Variants in FLT4 observed in about 807,000 individuals in gnomAD.
The protein encoded by FLT4 is fms related receptor tyrosine kinase 4.
A neutral mutation model predicts 163.2 loss-of-function variants in FLT4; 30 were observed. That is an observed-to-expected ratio of 0.18 (90% CI 0.14 to 0.25). The LOEUF is 0.25. FLT4 is among the 10% of genes least tolerant of loss of function. The probability of loss-of-function intolerance (pLI) is 1.00; values close to 1 mark genes in which losing one functional copy is unlikely to be tolerated. For missense variants in FLT4, 1,510 were observed against 1,863.8 expected (o/e 0.81, Z 3.50); for synonymous variants, 884 against 789.5 (o/e 1.12, Z -2.01).
intron 12 of FLT4, 116 bp downstream of exon 12, chr5:180,622,615 G>C (rs758642505): frequency 1.4e-6 from 1 of 717,630 alleles, no homozygotes; most frequent in Non-Finnish European, 2.5e-6. Flanking sequence ...GTCTACAACC[G>C]GTAGGCCTTG....
chr5:180,641,326 G>T (rs1321760247), intron 1 of FLT4, among the ~76,000 whole-genome samples: 1 of 152,248 alleles, frequency 6.6e-6, no homozygotes, highest in African/African-American at 2.4e-5. Context: ...ATGGCACTGG[G>T]ATTATCCATC....
chr5:180,618,914 A>T lies in FLT4; in HGVS notation c.2857T>A (p.Ser953Thr). ...CGGAAGCGTCCGCGCTGCTCGGGAG[A>T]CTTCTCCTGCGGATGCACGAAGCTG... ...RDAFSPCAEK[S>T]PEQRGRFRAM... The change falls in exon 21 of 30, where the codon TCT becomes ACT. Residue 953 changes from serine (S) to threonine (T), a missense_variant. This residue lies in a region of FLT4 where 878 missense variants were observed against 1,016.7 expected (regional missense o/e 0.86). Coordinates refer to ENST00000261937, the MANE Select transcript of FLT4 (RefSeq NM_182925.5). 1 of 1,585,462 alleles carries T rather than the reference A, an allele frequency of 6.3e-7. No homozygotes were observed. The highest frequency in any genetic ancestry group is 8.6e-7 in the Non-Finnish European group (1 of 1,166,832).
At position 180,644,983 on chromosome 5, in the gene FLT4, G is replaced by A. The variant is rs113074397; in HGVS notation, c.58+4505C>T. ...TTCCCAGCAGTCTCCCAAAGGGCAC[G>A]TCCAGGGTGGGCGAAAGGCCATGGT... On this transcript the variant is annotated intron_variant, in intron 1 of 29. Transcript: ENST00000261937. 1.1e-3 allele frequency among the ~76,000 whole-genome samples: 161 copies of A among 152,338 alleles called. 1 individual carries two copies. Among genetic ancestry groups the A allele is most frequent in the African/African-American group, 3.7e-3 (152 of 41,582 alleles).
intron 10 of FLT4, among the ~76,000 whole-genome samples, chr5:180,624,495 T>C (rs1763447483): frequency 6.6e-6 from 1 of 152,172 alleles, no homozygotes; most frequent in Non-Finnish European, 1.5e-5. Flanking sequence ...CCCAAAGCGC[T>C]GGGATTACAG....
In FLT4 at chr5:180,620,260, G is replaced by C; in HGVS notation, c.2455C>G (p.Pro819Ala). The part of the protein sequence containing the change: ...KTGYLSIIMD[P>A]GEVPLEEQCE... ...TGCTCCTCCAGAGGCACCTCCCCGG[G>C]GTCCATGATGATGGACAGGTAGCCC... The change falls in exon 17 of 30, where the codon CCC becomes GCC. Residue 819 changes from proline (P) to alanine (A), a missense_variant. By Grantham distance (27) the Pro-to-Ala change is conservative. Transcript: ENST00000261937. This position sits in a 1 kb window ranked among gnomAD's most constrained non-coding sequence, Gnocchi z 4.4. 1 of 1,612,084 alleles carries C rather than the reference G, an allele frequency of 6.2e-7. No individual in the cohort carries two copies. The highest frequency in any genetic ancestry group is 8.5e-7 in the Non-Finnish European group (1 of 1,179,944).
In FLT4 at chr5:180,636,500, C is replaced by A. The variant is rs1049047361; in HGVS notation, c.59-4722G>T. On this transcript the variant is annotated intron_variant, in intron 1 of 29. Transcript: ENST00000261937. The surrounding 1 kb of genome is among the most constrained non-coding windows in gnomAD (Gnocchi z 4.3). ...CCATTAAAGCTGTCATCAGCTGCAC[C>A]CCCCCGTCACTTCCCCTCATTCTCT... is the stretch of plus-strand genomic sequence containing the variant. Among the ~76,000 whole-genome samples, 3 of 148,876 alleles carry A rather than the reference C, an allele frequency of 2.0e-5. No homozygotes were observed. The highest frequency in any genetic ancestry group is 4.9e-5 in the African/African-American group (2 of 40,718).
chr5:180,619,201 C>T, intron 19 of FLT4, 52 bp downstream of exon 19: 1 of 1,387,028 alleles, frequency 7.2e-7, no homozygotes, highest in Non-Finnish European at 9.4e-7. Context: ...CTCCCGCCCG[C>T]GGCGCCCCGC....
Position 180,603,057 on chromosome 5 carries a change from A to C in FLT4, c.*135T>G. The C allele has an allele frequency of 4.8e-6, 4 of 835,114 alleles. No individual in the cohort carries two copies. Among genetic ancestry groups the C allele is most frequent in the Non-Finnish European group, 7.9e-6 (4 of 506,380 alleles). The allele number at this position is 835,114 out of a possible 1,614,324, so 51.7% of individuals were successfully genotyped here. A position where few individuals can be genotyped will look rare whatever the true frequency, so the allele number is the denominator to read the frequency against. On this transcript the variant is annotated 3_prime_UTR_variant, in exon 30 of 30. Coordinates refer to ENST00000261937, the MANE Select transcript of FLT4 (RefSeq NM_182925.5). ...GGAGTCCTGCTCTTCCTAGCTGGGA[A>C]GTCTGCAGAGAGGGAAGAGGACACT...
rs756412901 is a variant in FLT4 at position 180,649,553 on chromosome 5, C to A, written c.-8G>T. ...CGCGGCGCCCCGCTGCATCTCCGGC[C>A]GCTGCGCGTGGGTCCGACCCGAGCG... On this transcript the variant is annotated 5_prime_UTR_variant, in exon 1 of 30. Coordinates refer to ENST00000261937, the MANE Select transcript of FLT4 (RefSeq NM_182925.5). 7.0e-7 allele frequency: 1 copy of A among 1,430,866 alleles called. No homozygotes were observed. The allele number at this position is 1,430,866 out of a possible 1,614,324, so 88.6% of individuals were successfully genotyped here.
chr5:180,641,628 AG>A (rs1318601436), intron 1 of FLT4, among the ~76,000 whole-genome samples: 1 of 152,176 alleles, frequency 6.6e-6, no homozygotes, highest in African/African-American at 2.4e-5. Flanking sequence ...AGGCCTCTGC[AG>A]GGACCTGGGG....
rs584947 is a variant in FLT4, at chr5:180,606,904, A to C, written c.3893+2064T>G. ...AACCCCGTCTCTACTAAAAAAAAAAAAAAAAAAAAAACAAACAAACAAACT... is the reference window on the plus strand; with the variant it reads ...AACCCCGTCTCTACTAAAAAAAAAACAAAAAAAAAAACAAACAAACAAACT... On this transcript the variant is annotated intron_variant, in intron 29 of 29. Coordinates refer to ENST00000261937, the MANE Select transcript of FLT4 (RefSeq NM_182925.5). Among the ~76,000 whole-genome samples, 26 of 122,694 alleles carry C rather than the reference A, an allele frequency of 2.1e-4. 1 individual carries two copies. Among genetic ancestry groups the C allele is most frequent in the African/African-American group, 4.8e-4 (16 of 33,648 alleles). 80.5% of individuals were successfully genotyped at this position (122,694 alleles called of 152,430 possible).
chr5:180,623,872 A>G lies in FLT4; in HGVS notation c.1548+63T>C, dbSNP rs993306831. The G allele has an allele frequency of 2.4e-5, 38 of 1,598,048 alleles. 1 individual carries two copies. The Middle Eastern group carries it at 1.3e-3, about 56-fold the overall frequency. The stretch of plus-strand genomic sequence containing the variant: ...AGCCAGGTGGAAACCACATGGCAGT[A>G]ATGGCCTCTCTCTCCTCCCTTCTCC... On this transcript the variant is annotated intron_variant, in intron 11 of 29. Coordinates refer to ENST00000261937, the MANE Select transcript of FLT4 (RefSeq NM_182925.5). The surrounding 1 kb of genome is among the most constrained non-coding windows in gnomAD (Gnocchi z 5.8).
Position 180,622,772 on chromosome 5 carries a change from T to G in FLT4, c.1616A>C (p.Lys539Thr), listed in dbSNP as rs766826655. Reference sequence around the variant, plus strand: ...GATGAGCCGCTCATCCTGGCCCACCTTGTTGGAGACCACACACTTGTACAT... The same window carrying G: ...GATGAGCCGCTCATCCTGGCCCACCGTGTTGGAGACCACACACTTGTACAT... ...SAMYKCVVSN[K>T]VGQDERLIYF... Residue 539 changes from lysine to threonine, a missense_variant, in exon 12 of 30, where the codon AAG (lysine) becomes ACG (threonine). This residue lies in a region of FLT4 where 878 missense variants were observed against 1,016.7 expected (regional missense o/e 0.86). Coordinates refer to ENST00000261937, the MANE Select transcript of FLT4 (RefSeq NM_182925.5). 1.2e-6 allele frequency: 2 copies of G among 1,613,556 alleles called. No individual in the cohort carries two copies. Among genetic ancestry groups the G allele is most frequent in the Admixed American group, 1.7e-5 (1 of 60,020 alleles).
intron 1 of FLT4, among the ~76,000 whole-genome samples, chr5:180,638,164 C>T (rs1289339784): frequency 6.6e-6 from 1 of 152,224 alleles, no homozygotes; most frequent in Non-Finnish European, 1.5e-5. Context: ...AGACACCTCC[C>T]AGGTCTCTAG....
chr5:180,645,290 C>G (rs531053407), intron 1 of FLT4, among the ~76,000 whole-genome samples: 2 of 152,306 alleles, frequency 1.3e-5, no homozygotes, highest in African/African-American at 4.8e-5. Flanking sequence ...GGGTGGAGAC[C>G]AGGAGGAGGG....
Position 180,603,126 on chromosome 5 carries a change from C to T in FLT4, c.*66G>A. ...AACCAGATGAGTTCCCAGCCTGGGC[C>T]TCCAGCCCTCTGCCCGCCCTGCCGG... is the stretch of plus-strand genomic sequence containing the variant. On this transcript the variant is annotated 3_prime_UTR_variant, in exon 30 of 30. Transcript: ENST00000261937. 1 of 1,518,252 alleles carries T rather than the reference C, an allele frequency of 6.6e-7. No individual in the cohort carries two copies. The highest frequency in any genetic ancestry group is 1.7e-5 in the Admixed American group (1 of 57,828). 94.0% of individuals were successfully genotyped at this position (1,518,252 alleles called of 1,614,324 possible).
rs765224378 is a variant in FLT4, at chr5:180,621,741, C to T, written c.1821G>A (p.Leu607=). Residue 607 remains leucine, a synonymous_variant, in exon 13 of 30, where the codon CTG becomes CTA. Transcript: ENST00000261937. ...ACAGATGCACGTTCTTGCAGTCGAG[C>T]AGAAGCGGGTTCCCGTGCGCATCGT... ...TLHDAHGNPL[L]LDCKNVHLFA... is the part of the protein sequence containing the mutation. 6 of 1,613,098 alleles carry T rather than the reference C, an allele frequency of 3.7e-6. No individual in the cohort carries two copies. In the South Asian group the frequency reaches 6.6e-5, roughly 18 times the overall value.
Position 180,626,169 on chromosome 5 carries a change from G to T in FLT4, c.1200C>A (p.Ala400=), listed in dbSNP as rs201446340. 6.2e-7 allele frequency: 1 copy of T among 1,612,876 alleles called. No individual in the cohort carries two copies. The highest frequency in any genetic ancestry group is 1.3e-5 in the African/African-American group (1 of 75,044). ...TEASTGTYTL[A]LWNSAAGLRR... ...TCAGGCCAGCAGCGGAGTTCCACAGGGCGAGGGTGTAGGTGCCTGTGCTGG... is the reference window on the plus strand; with the variant it reads ...TCAGGCCAGCAGCGGAGTTCCACAGTGCGAGGGTGTAGGTGCCTGTGCTGG... Residue 400 remains alanine (A), a synonymous_variant, in exon 9 of 30, where the codon GCC becomes GCA. Coordinates refer to ENST00000261937, the MANE Select transcript of FLT4 (RefSeq NM_182925.5).
chr5:180,613,844 T>C (rs1359240767), intron 24 of FLT4: 5 of 605,456 alleles, frequency 8.3e-6, no homozygotes, highest in Non-Finnish European at 1.5e-5. Context: ...GGCTTCAATG[T>C]GCACCCCACA....
Sources: gnomAD v4.1 joint callset for allele counts (sites outside exome capture counted in the v4.1 genomes callset) on GRCh38, gnomAD v4.1.1 for gene constraint, gnomAD v4.1.1 regional missense constraint, Gnocchi (gnomAD v3.1) non-coding constraint, MANE v1.5 for transcripts, NCBI Gene and HGNC (gene_info 2026-07-23, HGNC 2026-07-21) for gene names.